Variants in DPRX observed in about 807,000 individuals in gnomAD.
The protein encoded by DPRX is divergent-paired related homeobox, also known as divergent paired-related homeobox.
In DPRX, 11 loss-of-function variants were observed where a neutral mutation model predicts 8.4. That is an observed-to-expected ratio of 1.31 (90% CI 0.82 to 2.17). The LOEUF (loss-of-function observed/expected upper bound fraction) is 2.17. DPRX is among the 30% of genes most tolerant of loss of function. The pLI is 0.00. For synonymous variants in DPRX, 72 were observed against 87.0 expected (o/e 0.83, Z 0.96); for missense variants, 211 against 236.7 (o/e 0.89, Z 0.71).
At chr19:53,624,244 C>T in the DPRX span, among the ~76,000 whole-genome samples, 4 of 151,100 alleles carry the variant, frequency 2.6e-5, no homozygotes, top group Admixed American at 2.0e-4. Context: ...CCCGCCACCA[C>T]GCCCAGCTAA....
the DPRX span, among the ~76,000 whole-genome samples, chr19:53,611,565 G>A: frequency 0.15 from 22,286 of 151,984 alleles, 1,818 homozygotes; most frequent in South Asian, 0.27. Context: ...GGAGATGATT[G>A]CGGTACGATT....
At chr19:53,608,723 C>T in the DPRX span, among the ~76,000 whole-genome samples, 2 of 151,642 alleles carry the variant, frequency 1.3e-5, no homozygotes, top group Non-Finnish European at 2.9e-5. Context: ...GAGGCTGAGG[C>T]GGGCGGATCA....
the DPRX span, among the ~76,000 whole-genome samples, chr19:53,612,579 C>A: frequency 6.6e-6 from 1 of 151,932 alleles, no homozygotes; most frequent in Non-Finnish European, 1.5e-5. Context: ...TGCTGGCAGG[C>A]GCCTGTAATC....
chr19:53,633,251 G>A (rs2091099866), intron 1 of DPRX, among the ~76,000 whole-genome samples: 1 of 152,210 alleles, frequency 6.6e-6, no homozygotes, highest in Non-Finnish European at 1.5e-5. Flanking sequence ...CTGTGATCAT[G>A]CCACTGGGCA....
At chr19:53,603,787 A>C in the DPRX span, among the ~76,000 whole-genome samples, 270 of 142,020 alleles carry the variant, frequency 1.9e-3, 2 homozygotes, top group African/African-American at 6.7e-3. Context: ...TCTGTCACCC[A>C]GGCTGGATTG....
the DPRX span, among the ~76,000 whole-genome samples, chr19:53,603,799 A>G: frequency 3.6e-5 from 5 of 138,600 alleles, no homozygotes; most frequent in African/African-American, 1.1e-4. Flanking sequence ...GCTGGATTGC[A>G]GTGGCACAAT....
the DPRX span, among the ~76,000 whole-genome samples, chr19:53,614,981 A>G: frequency 1.3e-5 from 2 of 151,786 alleles, no homozygotes; most frequent in African/African-American, 4.8e-5. Context: ...TTAAATATAT[A>G]CTTTTAAAAA....
chr19:53,613,192 C>A, the DPRX span, among the ~76,000 whole-genome samples: 1 of 152,052 alleles, frequency 6.6e-6, no homozygotes, highest in African/African-American at 2.4e-5. Context: ...TTGAGGTTAT[C>A]GGTTTCTGAG....
the DPRX span, among the ~76,000 whole-genome samples, chr19:53,608,976 G>GAAAAAAAAAAAAA: frequency 4.0e-4 from 32 of 80,666 alleles, no homozygotes; most frequent in African/African-American, 7.5e-4. Context: ...AAAAAAAAAG[G>GAAAAAAAAAAAAA]AAAGAAAAGA....
At chr19:53,630,994 C>A (rs549709679), upstream of DPRX, among the ~76,000 whole-genome samples, 7 of 151,560 alleles carry the variant, frequency 4.6e-5, no homozygotes, top group Non-Finnish European at 8.8e-5. Flanking sequence ...TTACAGGTGC[C>A]CACCACCACA....
At chr19:53,631,412 C>A (rs2091092202), upstream of DPRX, among the ~76,000 whole-genome samples, 1 of 152,052 alleles carries the variant, frequency 6.6e-6, no homozygotes, top group Non-Finnish European at 1.5e-5. Context: ...CCTGAAAGCC[C>A]CTTTAGGGTT....
chr19:53,625,671 C>T, the DPRX span, among the ~76,000 whole-genome samples: 2 of 151,658 alleles, frequency 1.3e-5, no homozygotes, highest in Non-Finnish European at 2.9e-5. Flanking sequence ...GGAGTCTCAC[C>T]GTGTTGCCCA....
chr19:53,602,172 G>C, the DPRX span: 1 of 455,796 alleles, frequency 2.2e-6, no homozygotes, highest in Non-Finnish European at 4.4e-6. Context: ...AACTGGAAAA[G>C]GGTCAAGGTT....
At chr19:53,607,750 C>T in the DPRX span, among the ~76,000 whole-genome samples, 1 of 150,424 alleles carries the variant, frequency 6.6e-6, no homozygotes, top group South Asian at 2.1e-4. Context: ...TCCCAGGTGG[C>T]TGAAGCAGGA....
At chr19:53,627,902 C>A (rs1480731673), upstream of DPRX, among the ~76,000 whole-genome samples, 1 of 151,528 alleles carries the variant, frequency 6.6e-6, no homozygotes, top group Non-Finnish European at 1.5e-5. Context: ...CATGGTGGCG[C>A]TTGCCTGTAA....
chr19:53,636,095 T>C (rs2091110901), intron 2 of DPRX, among the ~76,000 whole-genome samples: 1 of 152,126 alleles, frequency 6.6e-6, no homozygotes, highest in Non-Finnish European at 1.5e-5. Flanking sequence ...GGGTTGGGTA[T>C]GGTGGCTCAT....
chr19:53,608,970 A>G, the DPRX span, among the ~76,000 whole-genome samples: 18 of 121,188 alleles, frequency 1.5e-4, no homozygotes, highest in East Asian at 1.5e-3. Flanking sequence ...AAAAAAAAAA[A>G]AAAAGGAAAG....
chr19:53,621,227 G>A, the DPRX span, among the ~76,000 whole-genome samples: 3 of 151,966 alleles, frequency 2.0e-5, no homozygotes, highest in African/African-American at 4.8e-5. Context: ...CAACCCCCCG[G>A]GTTCAAGCAA....
At chr19:53,607,954 A>C in the DPRX span, among the ~76,000 whole-genome samples, 103,807 of 150,914 alleles carry the variant, frequency 0.69, 35,872 homozygotes, top group Admixed American at 0.75. Flanking sequence ...GGACAGATCA[A>C]TGGAGGTCAG....
Sources: gnomAD v4.1 joint callset for allele counts (sites outside exome capture counted in the v4.1 genomes callset) on GRCh38, gnomAD v4.1.1 for gene constraint, MANE v1.5 for transcripts, NCBI Gene and HGNC (gene_info 2026-07-23, HGNC 2026-07-21) for gene names.